Variants in ATP11B observed in about 807,000 individuals in gnomAD.
The protein encoded by ATP11B is phospholipid-transporting ATPase IF.
In ATP11B, 81 loss-of-function variants were observed where a neutral mutation model predicts 157.8. That is an observed-to-expected ratio of 0.51 (90% CI 0.43 to 0.62). The LOEUF (loss-of-function observed/expected upper bound fraction) is 0.62. Among genes scored for constraint, ATP11B ranks in the 20% least tolerant of loss-of-function variants. The pLI is 0.00. For synonymous variants in ATP11B, 451 were observed against 469.4 expected (o/e 0.96, Z 0.51); for missense variants, 1,165 against 1,402.2 (o/e 0.83, Z 2.70).
intron 22 of ATP11B, 116 bp from the exon 23 acceptor site, chr3:182,885,835 C>T: frequency 1.6e-6 from 1 of 606,350 alleles, no homozygotes; most frequent in East Asian, 3.4e-5. Flanking sequence ...TTATCCTTTA[C>T]TTACCATACC....
intron 25 of ATP11B, among the ~76,000 whole-genome samples, chr3:182,895,112 CAAAAA>C (rs368282275): frequency 1.0e-4 from 7 of 68,268 alleles, no homozygotes; most frequent in Non-Finnish European, 1.4e-4. Context: ...GACCCTGACT[CAAAAA>C]AAAAAAAAAA....
intron 29 of ATP11B, chr3:182,915,845 G>A (rs1197299716): frequency 1.0e-6 from 1 of 972,178 alleles, no homozygotes; most frequent in African/African-American, 1.8e-5. Flanking sequence ...ACTTAAAATT[G>A]CGCCATATTG....
At chr3:182,836,682 A>T (rs566711936) in intron 6 of ATP11B, 1 of 510,158 alleles carries the variant, frequency 2.0e-6, no homozygotes, top group East Asian at 3.2e-5. Context: ...CAAGTTAAAA[A>T]CAGAAGGTGT....
chr3:182,881,570 A>G (rs1722432105), intron 21 of ATP11B, among the ~76,000 whole-genome samples: 1 of 152,110 alleles, frequency 6.6e-6, no homozygotes, highest in African/African-American at 2.4e-5. Context: ...CCTATAATTA[A>G]GCCCACTATT....
chr3:182,837,371 A>T (rs943270346), intron 7 of ATP11B, among the ~76,000 whole-genome samples, 197 bp downstream of exon 7: 3 of 152,148 alleles, frequency 2.0e-5, no homozygotes, highest in African/African-American at 7.2e-5. Flanking sequence ...AATAGTTCAA[A>T]GCCAGAGTTT....
rs781446451 is a variant in ATP11B, at chr3:182,857,952, A to G, written c.926A>G (p.Tyr309Cys). 8.7e-6 allele frequency: 14 copies of G among 1,608,756 alleles called. No homozygotes were observed. The South Asian group carries it at 1.4e-4, about 16-fold the overall frequency. The change falls in exon 11 of 30, where the codon TAT becomes TGT. Residue 309 changes from tyrosine to cysteine, a missense_variant. Tyr to Cys is a radical substitution (Grantham distance 194). Transcript: ENST00000323116. ...GCTGTCATCAGCACTATCTTGAAGT[A>G]TACATGGCAAGCTGAAGAAAAATGG... is the stretch of plus-strand genomic sequence containing the variant. ...SEAVISTILKYTWQAEEKWDE... is the reference protein window; with the variant it reads ...SEAVISTILKCTWQAEEKWDE...
At chr3:182,899,301 T>C (rs1723788284) in intron 28 of ATP11B, among the ~76,000 whole-genome samples, 1 of 151,794 alleles carries the variant, frequency 6.6e-6, no homozygotes, top group African/African-American at 2.4e-5. Context: ...TACAGGCACC[T>C]GCCTCCACAC....
At chr3:182,853,397 CAG>C (rs1720131116) in intron 10 of ATP11B, among the ~76,000 whole-genome samples, 1 of 152,012 alleles carries the variant, frequency 6.6e-6, no homozygotes, top group African/African-American at 2.4e-5. Flanking sequence ...TTAGTAGAGA[CAG>C]GGTTTCACCA....
In ATP11B at chr3:182,921,251, A is replaced by C. The variant is rs1324054899; in HGVS notation, c.*3147A>C. 1.3e-5 allele frequency: 2 copies of C among 152,234 alleles called. No homozygotes were observed. 9.4% of individuals were successfully genotyped at this position (152,234 alleles called of 1,614,324 possible). On this transcript the variant is annotated 3_prime_UTR_variant, in exon 30 of 30. Coordinates refer to ENST00000323116, the MANE Select transcript of ATP11B (RefSeq NM_014616.3). Reference sequence around the variant, plus strand: ...AACACACCAAAGAGTTACGTAAAACATGTTTTATTAATTTTGGTCCCCACG... The same window carrying C: ...AACACACCAAAGAGTTACGTAAAACCTGTTTTATTAATTTTGGTCCCCACG...
chr3:182,853,489 G>A (rs1259338031), intron 10 of ATP11B, among the ~76,000 whole-genome samples: 2 of 151,898 alleles, frequency 1.3e-5, no homozygotes, highest in African/African-American at 2.4e-5. Context: ...CACTGTGCCC[G>A]GCCAATAAAT....
intron 2 of ATP11B, 134 bp from the exon 3 acceptor site, chr3:182,827,986 G>A (rs1717840485): frequency 2.7e-6 from 1 of 373,036 alleles, no homozygotes; most frequent in Non-Finnish European, 4.9e-6. Flanking sequence ...AAGCCAGATG[G>A]TTTCTGTAGC....
intron 3 of ATP11B, among the ~76,000 whole-genome samples, chr3:182,828,782 T>C (rs1173895796): frequency 6.6e-6 from 1 of 151,816 alleles, no homozygotes; most frequent in Non-Finnish European, 1.5e-5. Flanking sequence ...TTAAAAAAAT[T>C]ATATATGTAT....
intron 29 of ATP11B, chr3:182,916,209 ATTTC>A (rs1725132112): frequency 1.0e-6 from 1 of 985,162 alleles, no homozygotes; most frequent in South Asian, 4.7e-5. Flanking sequence ...TGTGTTGGGC[ATTTC>A]CATTGTGACT....
rs915976058 is a variant in ATP11B, at chr3:182,884,966, T to C, written c.2655+68T>C. On this transcript the variant is annotated intron_variant, in intron 22 of 29. Coordinates refer to ENST00000323116, the MANE Select transcript of ATP11B (RefSeq NM_014616.3). Reference sequence around the variant, plus strand: ...TGAAGTTTCAATTTAAGGAATGTTATAACCTTATACATTTCTCTTTAAAAT... The same window carrying C: ...TGAAGTTTCAATTTAAGGAATGTTACAACCTTATACATTTCTCTTTAAAAT... The C allele has an allele frequency of 4.3e-6, 4 of 924,780 alleles. No homozygotes were observed. The African/African-American group carries it at 6.8e-5, about 16-fold the overall frequency. The allele number at this position is 924,780 out of a possible 1,614,324, so 57.3% of individuals were successfully genotyped here.
chr3:182,857,520 A>G (rs1720495415), intron 10 of ATP11B, among the ~76,000 whole-genome samples: 3 of 152,044 alleles, frequency 2.0e-5, no homozygotes, highest in Non-Finnish European at 4.4e-5. Flanking sequence ...TGCTATACAA[A>G]TGCTATTTTT....
At chr3:182,917,857 A>G in intron 29 of ATP11B, 166 bp from the exon 30 acceptor site, 1 of 981,390 alleles carries the variant, frequency 1.0e-6, no homozygotes. Flanking sequence ...TTTATATAAT[A>G]TAAATAGAAA....
chr3:182,917,866 A>C, intron 29 of ATP11B, 157 bp from the exon 30 acceptor site: 1 of 982,680 alleles, frequency 1.0e-6, no homozygotes, highest in Non-Finnish European at 1.2e-6. Context: ...TATAAATAGA[A>C]AGTTTGGGCA....
chr3:182,877,931 A>G (rs1205070125), intron 19 of ATP11B, among the ~76,000 whole-genome samples: 1 of 152,114 alleles, frequency 6.6e-6, no homozygotes, highest in Non-Finnish European at 1.5e-5. Context: ...TGCCTTGGGA[A>G]CTTTTCCTAG....
chr3:182,857,615 A>G (rs1225569572), intron 10 of ATP11B, among the ~76,000 whole-genome samples: 2 of 152,114 alleles, frequency 1.3e-5, no homozygotes, highest in Non-Finnish European at 2.9e-5. Flanking sequence ...ACTGACTAAA[A>G]CCGTCATTTA....
Sources: gnomAD v4.1 joint callset for allele counts (sites outside exome capture counted in the v4.1 genomes callset) on GRCh38, gnomAD v4.1.1 for gene constraint, MANE v1.5 for transcripts, NCBI Gene and HGNC (gene_info 2026-07-23, HGNC 2026-07-21) for gene names.